Variants in SATB2 observed in about 807,000 individuals in gnomAD.
The protein encoded by SATB2 is SATB homeobox 2, also known as DNA-binding protein SATB2.
A neutral mutation model predicts 73.4 loss-of-function variants in SATB2; 1 was observed. That is an observed-to-expected ratio of 0.01 (90% CI 0.00 to 0.06). SATB2 has a LOEUF of 0.06. SATB2 is among the 10% of genes least tolerant of loss of function. The pLI is 1.00. For synonymous variants in SATB2, 397 were observed against 367.0 expected, an observed-to-expected ratio of 1.08 and a Z score of -0.93; for missense variants, 459 against 945.8, an observed-to-expected ratio of 0.49 and a Z score of 6.75.
chr2:199,401,698 A>G (rs945104144), intron 3 of SATB2, among the ~76,000 whole-genome samples: 1 of 152,072 alleles, frequency 6.6e-6, no homozygotes, highest in African/African-American at 2.4e-5. Context: ...TATGGGGGAA[A>G]AAAATGTGTG....
chr2:199,357,111 T>C (rs1261566282), intron 6 of SATB2, among the ~76,000 whole-genome samples: 2 of 152,266 alleles, frequency 1.3e-5, no homozygotes, highest in Non-Finnish European at 2.9e-5. Context: ...TAAGATGAAC[T>C]GCCCAGTTTG....
chr2:199,315,300 A>G (rs1687700063), intron 9 of SATB2, among the ~76,000 whole-genome samples: 2 of 152,128 alleles, frequency 1.3e-5, no homozygotes, highest in Admixed American at 6.5e-5. Context: ...TTAAAAGATT[A>G]AAATATTTCA....
intron 3 of SATB2, chr2:199,396,454 G>GATGT (rs1690303990): frequency 6.6e-6 from 1 of 152,054 alleles, no homozygotes; most frequent in Non-Finnish European, 1.5e-5. Context: ...ACAAGTGTAA[G>GATGT]GCCTACAGAT....
intron 10 of SATB2, among the ~76,000 whole-genome samples, chr2:199,282,523 T>C (rs992016782): frequency 6.6e-6 from 1 of 152,180 alleles, no homozygotes; most frequent in Non-Finnish European, 1.5e-5. Flanking sequence ...GCACGTTACT[T>C]ACTCTCTCTG....
At chr2:199,293,599 CTA>C (rs1419026022) in intron 10 of SATB2, among the ~76,000 whole-genome samples, 21 of 152,062 alleles carry the variant, frequency 1.4e-4, no homozygotes, top group African/African-American at 5.1e-4. Flanking sequence ...CTGGAAAATA[CTA>C]TGTGTGTGTC....
At chr2:199,324,214 T>G (rs1687971581) in intron 8 of SATB2, among the ~76,000 whole-genome samples, 1 of 152,066 alleles carries the variant, frequency 6.6e-6, no homozygotes, top group African/African-American at 2.4e-5. Flanking sequence ...AGGATGGCTC[T>G]CCTAGACACC....
At chr2:199,364,213 A>ATCATAATTACT (rs960360171) in intron 6 of SATB2, among the ~76,000 whole-genome samples, 1 of 152,192 alleles carries the variant, frequency 6.6e-6, no homozygotes, top group Admixed American at 6.5e-5. Flanking sequence ...AGCTATAATG[A>ATCATAATTACT]TCATAATTAC....
chr2:199,450,636 C>T (rs559086918), intron 2 of SATB2, among the ~76,000 whole-genome samples: 2 of 152,072 alleles, frequency 1.3e-5, no homozygotes, highest in African/African-American at 4.8e-5. Context: ...ATAAGTATAA[C>T]CCAAGAAAAT....
chr2:199,340,840 G>C (rs1157321326), intron 7 of SATB2, among the ~76,000 whole-genome samples: 1 of 152,162 alleles, frequency 6.6e-6, no homozygotes, highest in Admixed American at 6.6e-5. Flanking sequence ...TTGGATCAAA[G>C]CTTCCTCTAC....
intron 10 of SATB2, among the ~76,000 whole-genome samples, chr2:199,274,473 C>A (rs559749625): frequency 6.6e-5 from 10 of 152,116 alleles, no homozygotes; most frequent in African/African-American, 2.4e-4. Context: ...AATATTAGGG[C>A]GGATGAAACT....
chr2:199,407,708 G>C (rs1192028492), intron 3 of SATB2, among the ~76,000 whole-genome samples: 1 of 152,088 alleles, frequency 6.6e-6, no homozygotes, highest in African/African-American at 2.4e-5. Flanking sequence ...GGAAATGCTA[G>C]AACAATGGCT....
intron 3 of SATB2, among the ~76,000 whole-genome samples, chr2:199,401,340 A>G (rs2121376): frequency 1 from 152,095 of 152,098 alleles, 76,046 homozygotes; most frequent in Middle Eastern, 1. Flanking sequence ...GAGGTCAGGA[A>G]TTCAAGACCA....
chr2:199,459,832 A>C (rs1692431820), upstream of SATB2: 1 of 51,544 alleles, frequency 1.9e-5, no homozygotes, highest in Non-Finnish European at 3.6e-5. The surrounding 1 kb of genome is among the most constrained non-coding windows in gnomAD (Gnocchi z 4.2). Context: ...TGCCCGGGAC[A>C]AGGCTGCCTT....
At position 199,349,217 on chromosome 2, in the gene SATB2, T is replaced by C. The variant is rs548118712; in HGVS notation, c.701-44A>G. On this transcript the variant is annotated intron_variant, in intron 6 of 10. Coordinates refer to ENST00000417098, the MANE Select transcript of SATB2 (RefSeq NM_001172509.2). ...GATAATTAATCATTATTTTCATTGGTACAATTTATTGCTAATATATGTAGA... is the reference window on the plus strand; with the variant it reads ...GATAATTAATCATTATTTTCATTGGCACAATTTATTGCTAATATATGTAGA... 152 of 1,386,250 alleles carry C rather than the reference T, an allele frequency of 1.1e-4. 1 individual carries two copies. The Admixed American group carries it at 2.9e-3, about 26-fold the overall frequency. 85.9% of individuals were successfully genotyped at this position (1,386,250 alleles called of 1,614,324 possible).
Position 199,381,642 on chromosome 2 carries a change from T to C in SATB2, c.473+52A>G, listed in dbSNP as rs1689778893. 1.4e-5 allele frequency: 22 copies of C among 1,610,342 alleles called. No individual in the cohort carries two copies. In the South Asian group the frequency reaches 1.9e-4, roughly 14 times the overall value. ...GCTGATCTTTGCAGTGAATCTATGA[T>C]TGACGGAGCAGCTCTGACAGTAAGG... On this transcript the variant is annotated intron_variant, in intron 4 of 10. Transcript: ENST00000417098.
chr2:199,294,593 T>C (rs1192668114), intron 10 of SATB2, among the ~76,000 whole-genome samples: 2 of 152,184 alleles, frequency 1.3e-5, no homozygotes, highest in Non-Finnish European at 2.9e-5. Context: ...CTCAAAAGTG[T>C]AGCCCTAAAT....
At chr2:199,367,244 A>G (rs746562383) in intron 6 of SATB2, among the ~76,000 whole-genome samples, 1 of 152,182 alleles carries the variant, frequency 6.6e-6, no homozygotes, top group Non-Finnish European at 1.5e-5. Context: ...CTTATATTGC[A>G]CAAGGGTGAA....
At chr2:199,465,832 C>A (rs984513854), upstream of SATB2, among the ~76,000 whole-genome samples, 3 of 152,032 alleles carry the variant, frequency 2.0e-5, no homozygotes, top group Non-Finnish European at 4.4e-5. Flanking sequence ...GTTAGCCTAA[C>A]GAAATGAAGA....
chr2:199,349,271 A>C, intron 6 of SATB2, 98 bp from the exon 7 acceptor site: 4 of 958,972 alleles, frequency 4.2e-6, no homozygotes, highest in Non-Finnish European at 6.5e-6. Context: ...TGGCATGTTA[A>C]TAATATAAAC....
Sources: gnomAD v4.1 joint callset for allele counts (sites outside exome capture counted in the v4.1 genomes callset) on GRCh38, gnomAD v4.1.1 for gene constraint, Gnocchi (gnomAD v3.1) non-coding constraint, MANE v1.5 for transcripts, NCBI Gene and HGNC (gene_info 2026-07-23, HGNC 2026-07-21) for gene names.